Variants in SORCS2 observed in about 807,000 individuals in gnomAD.
The protein encoded by SORCS2 is sortilin related VPS10 domain containing receptor 2.
SORCS2 carries 100 observed loss-of-function variants against 141.6 expected under a neutral mutation model. The observed-to-expected ratio is 0.71, with a 90% CI of 0.60 to 0.83. SORCS2 has a LOEUF of 0.83. Ranked by LOEUF, SORCS2 falls within the 40% of genes least tolerant of loss-of-function variation. The pLI, the probability that SORCS2 is intolerant of heterozygous loss-of-function variation, is 0.00. For missense variants in SORCS2, 1,646 were observed against 1,560.2 expected, an observed-to-expected ratio of 1.05 and a Z score of -0.93; for synonymous variants, 789 against 676.9, an observed-to-expected ratio of 1.17 and a Z score of -2.57.
intron 5 of SORCS2, among the ~76,000 whole-genome samples, chr4:7,654,668 C>A (rs1721648812): frequency 6.6e-6 from 1 of 152,208 alleles, no homozygotes. Flanking sequence ...GCCGACCCGG[C>A]CTGCCTCAGC....
At chr4:7,584,144 G>A (rs145434518) in intron 3 of SORCS2, among the ~76,000 whole-genome samples, 1 of 152,362 alleles carries the variant, frequency 6.6e-6, no homozygotes, top group East Asian at 1.9e-4. Context: ...TATAGAATCT[G>A]TTGCATAGCA....
intron 1 of SORCS2, among the ~76,000 whole-genome samples, chr4:7,258,003 G>A (rs965788496): frequency 3.9e-5 from 6 of 152,168 alleles, no homozygotes; most frequent in African/African-American, 9.7e-5. Context: ...GCTCTCACCC[G>A]CCCAGGTACC....
At chr4:7,319,953 A>G (rs16840033) in intron 1 of SORCS2, among the ~76,000 whole-genome samples, 34,389 of 151,956 alleles carry the variant, frequency 0.23, 4,668 homozygotes, top group South Asian at 0.44. Flanking sequence ...GTTCTTACAG[A>G]TGGTTGAGTT....
chr4:7,696,874 A>C (rs1032242997), intron 11 of SORCS2, among the ~76,000 whole-genome samples: 7 of 152,298 alleles, frequency 4.6e-5, no homozygotes, highest in Middle Eastern at 6.8e-3. Flanking sequence ...CACCTGGCCC[A>C]CGTCCTCTCC....
chr4:7,606,494 C>A (rs1005575369), intron 3 of SORCS2, among the ~76,000 whole-genome samples: 2 of 152,128 alleles, frequency 1.3e-5, no homozygotes, highest in Non-Finnish European at 2.9e-5. Context: ...GACCTGTAAG[C>A]TTCACCTGTT....
chr4:7,312,309 C>G (rs1217612968), intron 1 of SORCS2, among the ~76,000 whole-genome samples: 1 of 152,228 alleles, frequency 6.6e-6, no homozygotes, highest in African/African-American at 2.4e-5. Flanking sequence ...CACTCAAGCA[C>G]CGATCAACCC....
chr4:7,738,612 G>A (rs893285060), intron 26 of SORCS2, among the ~76,000 whole-genome samples: 1 of 152,146 alleles, frequency 6.6e-6, no homozygotes, highest in Admixed American at 6.5e-5. Flanking sequence ...AGCCACGGAG[G>A]TCTTGGCACC....
intron 2 of SORCS2, among the ~76,000 whole-genome samples, chr4:7,509,333 A>G (rs1437739395): frequency 2.0e-5 from 3 of 152,106 alleles, no homozygotes; most frequent in Non-Finnish European, 4.4e-5. Context: ...GGATACCCAC[A>G]GCCTCTCTTC....
intron 2 of SORCS2, among the ~76,000 whole-genome samples, chr4:7,454,707 T>G (rs1411969582): frequency 3.5e-5 from 4 of 114,682 alleles, no homozygotes; most frequent in African/African-American, 7.0e-5. Context: ...TCAGGCGCTA[T>G]GTTGGGGTCA....
chr4:7,453,774 T>A (rs1183076866), intron 2 of SORCS2, among the ~76,000 whole-genome samples: 12 of 80,126 alleles, frequency 1.5e-4, no homozygotes, highest in South Asian at 5.0e-4. Context: ...TGGGGTCAGG[T>A]GCTGTGTGTT....
intron 3 of SORCS2, among the ~76,000 whole-genome samples, chr4:7,562,795 T>G (rs767858234): frequency 1.2e-4 from 18 of 152,212 alleles, no homozygotes; most frequent in Non-Finnish European, 2.4e-4. Flanking sequence ...TGGCTTCTTC[T>G]TGGCCACCCC....
chr4:7,249,501 C>T (rs1163876019), intron 1 of SORCS2, among the ~76,000 whole-genome samples: 2 of 152,164 alleles, frequency 1.3e-5, no homozygotes, highest in Non-Finnish European at 2.9e-5. Flanking sequence ...ACATATTCAC[C>T]TTTTGATGAG....
At chr4:7,613,175 C>A (rs1013139416) in intron 3 of SORCS2, among the ~76,000 whole-genome samples, 1 of 152,388 alleles carries the variant, frequency 6.6e-6, no homozygotes, top group East Asian at 1.9e-4. Context: ...GCTGAACAAG[C>A]ATCGGGGCAT....
chr4:7,357,800 G>A (rs926547766), intron 1 of SORCS2, among the ~76,000 whole-genome samples: 19 of 152,306 alleles, frequency 1.2e-4, no homozygotes, highest in Non-Finnish European at 2.2e-4. Context: ...TTCAATCCCT[G>A]AGGGCCTCGG....
intron 1 of SORCS2, among the ~76,000 whole-genome samples, chr4:7,348,910 A>G (rs1255276807): frequency 6.6e-6 from 1 of 152,194 alleles, no homozygotes; most frequent in Non-Finnish European, 1.5e-5. Context: ...AAAGCGACCC[A>G]TCATGTGAGC....
At chr4:7,331,721 A>G (rs745420533) in intron 1 of SORCS2, among the ~76,000 whole-genome samples, 1 of 152,168 alleles carries the variant, frequency 6.6e-6, no homozygotes, top group Non-Finnish European at 1.5e-5. Flanking sequence ...TCTGTTTCTA[A>G]CGAGCCCCCA....
At chr4:7,595,496 A>G (rs1717208232) in intron 3 of SORCS2, among the ~76,000 whole-genome samples, 1 of 151,906 alleles carries the variant, frequency 6.6e-6, no homozygotes, top group South Asian at 2.1e-4. Context: ...CTGGGTACCA[A>G]TCCCCATCCC....
chr4:7,241,540 C>T (rs1712697107), intron 1 of SORCS2, among the ~76,000 whole-genome samples: 1 of 152,128 alleles, frequency 6.6e-6, no homozygotes. Flanking sequence ...CTGTGAGAGG[C>T]CTGGTGCATG....
At chr4:7,564,488 G>A (rs1714823695) in intron 3 of SORCS2, among the ~76,000 whole-genome samples, 1 of 152,180 alleles carries the variant, frequency 6.6e-6, no homozygotes, top group African/African-American at 2.4e-5. Context: ...CTCAGTTACT[G>A]CTATAAAGAC....
Sources: gnomAD v4.1 joint callset for allele counts (sites outside exome capture counted in the v4.1 genomes callset) on GRCh38, gnomAD v4.1.1 for gene constraint, MANE v1.5 for transcripts, NCBI Gene and HGNC (gene_info 2026-07-23, HGNC 2026-07-21) for gene names.